The following DGKG variants were observed in gnomAD, a reference collection of about 807,000 sequenced individuals.
DGKG encodes diacylglycerol kinase gamma.
A neutral mutation model predicts 105.3 loss-of-function variants in DGKG; 78 were observed. That is an observed-to-expected ratio of 0.74 (90% CI 0.62 to 0.89). The LOEUF (loss-of-function observed/expected upper bound fraction) is 0.89, where lower values mean the gene tolerates loss of function less well. Among genes scored for constraint, DGKG ranks in the 40% least tolerant of loss-of-function variants. DGKG has a pLI of 0.00. For synonymous variants in DGKG, 346 were observed against 367.1 expected (o/e 0.94, Z 0.66); for missense variants, 958 against 1,020.1 (o/e 0.94, Z 0.83).
chr3:186,265,114 C>T (rs1038905649), intron 14 of DGKG, 133 bp downstream of exon 14: 6 of 805,440 alleles, frequency 7.4e-6, no homozygotes, highest in South Asian at 3.1e-5. Context: ...TAAATGCCCT[C>T]CTGGGTGGTA....
intron 11 of DGKG, among the ~76,000 whole-genome samples, chr3:186,271,881 T>C (rs1722333024): frequency 6.6e-6 from 1 of 152,228 alleles, no homozygotes; most frequent in Non-Finnish European, 1.5e-5. Flanking sequence ...ACAACTGCAA[T>C]GCCAGCTCCT....
chr3:186,283,724 G>A (rs1722933198), intron 7 of DGKG, among the ~76,000 whole-genome samples: 1 of 152,224 alleles, frequency 6.6e-6, no homozygotes, highest in Non-Finnish European at 1.5e-5. Context: ...GTAAATATGT[G>A]TTGACCAAAT....
chr3:186,242,475 G>A (rs1452069424), intron 20 of DGKG, 29 bp downstream of exon 20: 1 of 1,598,206 alleles, frequency 6.3e-7, no homozygotes. Context: ...CACTGGGTGG[G>A]TGGCAGCGCA....
intron 2 of DGKG, among the ~76,000 whole-genome samples, chr3:186,308,309 G>T (rs1164381599): frequency 6.6e-5 from 10 of 152,280 alleles, no homozygotes; most frequent in African/African-American, 2.4e-4. Context: ...AATGCATCTT[G>T]TGCAGCTATC....
chr3:186,334,524 C>T (rs1725740148), intron 1 of DGKG, among the ~76,000 whole-genome samples: 1 of 152,222 alleles, frequency 6.6e-6, no homozygotes, highest in Non-Finnish European at 1.5e-5. Context: ...GCATACACCT[C>T]ATGCCTAGCC....
chr3:186,159,772 T>G (rs1252792209), intron 24 of DGKG: 1 of 152,252 alleles, frequency 6.6e-6, no homozygotes, highest in Non-Finnish European at 1.5e-5. Context: ...ATTCATATGT[T>G]GAATTCCTAA....
chr3:186,217,451 C>T (rs1719351400), intron 20 of DGKG, among the ~76,000 whole-genome samples: 1 of 152,204 alleles, frequency 6.6e-6, no homozygotes, highest in African/African-American at 2.4e-5. Flanking sequence ...CTCTCAGCCA[C>T]ATGGAGAAAT....
intron 6 of DGKG, among the ~76,000 whole-genome samples, chr3:186,286,991 G>A (rs866208854): frequency 1.3e-5 from 2 of 151,304 alleles, no homozygotes; most frequent in Non-Finnish European, 2.9e-5. Context: ...CAGAGATCAC[G>A]CCACTGCACT....
At chr3:186,331,354 G>A (rs1309408837) in intron 1 of DGKG, among the ~76,000 whole-genome samples, 2 of 152,138 alleles carry the variant, frequency 1.3e-5, no homozygotes, top group Non-Finnish European at 2.9e-5. Flanking sequence ...TAAAGCCCTT[G>A]GGGAACTTTG....
At chr3:186,188,513 C>A in intron 21 of DGKG, 134 bp from the exon 22 acceptor site, 1 of 859,500 alleles carries the variant, frequency 1.2e-6, no homozygotes, top group Non-Finnish European at 1.8e-6. Context: ...CACCACCCTG[C>A]CACTGTCAGA....
intron 20 of DGKG, among the ~76,000 whole-genome samples, chr3:186,215,678 G>A (rs1471976725): frequency 6.6e-6 from 1 of 151,942 alleles, no homozygotes; most frequent in Non-Finnish European, 1.5e-5. Context: ...GAGTGGGGGA[G>A]ACTCACAAGC....
At position 186,242,984 on chromosome 3, in the gene DGKG, A is replaced by G. The variant is rs550064640; in HGVS notation, c.1762-416T>C. Among the ~76,000 whole-genome samples, 4 of 152,222 alleles carry G rather than the reference A, an allele frequency of 2.6e-5. No individual in the cohort carries two copies. The East Asian group carries it at 7.7e-4, about 29-fold the overall frequency. On this transcript the variant is annotated intron_variant, in intron 19 of 24. Coordinates refer to ENST00000265022, the MANE Select transcript of DGKG (RefSeq NM_001346.3). ...ACTTTCCATACTAGTTCTTTTTAAA[A>G]TAGTTTTTATTTTGGAATATTTTGA... is the stretch of plus-strand genomic sequence containing the variant.
chr3:186,346,200 G>T (rs776192882), intron 1 of DGKG, among the ~76,000 whole-genome samples: 5 of 152,180 alleles, frequency 3.3e-5, no homozygotes, highest in Non-Finnish European at 7.3e-5. Flanking sequence ...AGAATACTCT[G>T]CTCATTAATT....
At position 186,216,901 on chromosome 3, in the gene DGKG, T is replaced by C. The variant is rs187189547; in HGVS notation, c.1827-5016A>G. Reference sequence around the variant, plus strand: ...GCATCTGAGAGCTGAGAGGCTAGGGTTCATGACTGGCTTTGCCACTCACTG... The same window carrying C: ...GCATCTGAGAGCTGAGAGGCTAGGGCTCATGACTGGCTTTGCCACTCACTG... On this transcript the variant is annotated intron_variant, in intron 20 of 24. Coordinates refer to ENST00000265022, the MANE Select transcript of DGKG (RefSeq NM_001346.3). Among the ~76,000 whole-genome samples the C allele has an allele frequency of 2.9e-3, 441 of 152,318 alleles. 3 individuals are homozygous for C. The highest frequency in any genetic ancestry group is 9.6e-3 in the African/African-American group (398 of 41,566).
At position 186,210,719 on chromosome 3, in the gene DGKG, C is replaced by A; in HGVS notation, c.1917+1076G>T. On this transcript the variant is annotated intron_variant, in intron 21 of 24. Coordinates refer to ENST00000265022, the MANE Select transcript of DGKG (RefSeq NM_001346.3). The surrounding 1 kb of genome is among the most constrained non-coding windows in gnomAD (Gnocchi z 5.2). Reference sequence around the variant, plus strand: ...CTCCTCCAGGGAGGCCCAGGCCCCACTGGACTGCAGTGCGGGCTTAGAGGC... The same window carrying A: ...CTCCTCCAGGGAGGCCCAGGCCCCAATGGACTGCAGTGCGGGCTTAGAGGC... 4.7e-6 allele frequency: 2 copies of A among 422,866 alleles called. No homozygotes were observed. Among genetic ancestry groups the A allele is most frequent in the Non-Finnish European group, 9.4e-6 (2 of 213,562 alleles). The allele number at this position is 422,866 out of a possible 1,614,324, so 26.2% of individuals were successfully genotyped here. A position where few individuals can be genotyped will look rare whatever the true frequency, so the allele number is the denominator to read the frequency against.
intron 20 of DGKG, among the ~76,000 whole-genome samples, chr3:186,220,533 C>T (rs558246086): frequency 6.6e-5 from 10 of 152,290 alleles, no homozygotes; most frequent in East Asian, 5.8e-4. Flanking sequence ...AAAAGTCAAC[C>T]GAAGTCACCA....
At chr3:186,156,946 A>G (rs377568081) in intron 24 of DGKG, among the ~76,000 whole-genome samples, 11 of 152,052 alleles carry the variant, frequency 7.2e-5, no homozygotes, top group African/African-American at 2.6e-4. Context: ...AAATAATGAC[A>G]GTTTTGACTC....
At chr3:186,280,159 G>T (rs1722764977) in intron 8 of DGKG, among the ~76,000 whole-genome samples, 186 bp from the exon 9 acceptor site, 1 of 152,192 alleles carries the variant, frequency 6.6e-6, no homozygotes, top group Non-Finnish European at 1.5e-5. Flanking sequence ...CTCTGCCCTT[G>T]GGCCTTGGGC....
At chr3:186,225,506 T>C (rs1719815413) in intron 20 of DGKG, among the ~76,000 whole-genome samples, 1 of 152,130 alleles carries the variant, frequency 6.6e-6, no homozygotes, top group African/African-American at 2.4e-5. Context: ...CCTGGCAATG[T>C]GTTTATTTGG....
Sources: allele counts gnomAD v4.1 joint callset (sites outside exome capture counted in the v4.1 genomes callset), GRCh38; gene constraint gnomAD v4.1.1; non-coding constraint Gnocchi (gnomAD v3.1); transcripts MANE v1.5; gene names NCBI Gene and HGNC (gene_info 2026-07-23, HGNC 2026-07-21).